Variants in FES observed in about 807,000 individuals in gnomAD.
FES encodes FES proto-oncogene, tyrosine kinase, also known as tyrosine-protein kinase Fes/Fps.
FES carries 83 observed loss-of-function variants against 109.6 expected under a neutral mutation model. That is an observed-to-expected ratio of 0.76 (90% CI 0.63 to 0.91). FES has a LOEUF of 0.91. FES is among the 40% of genes least tolerant of loss of function. FES has a pLI of 0.00. For missense variants in FES, 943 were observed against 1,070.9 expected, an observed-to-expected ratio of 0.88 and a Z score of 1.67; for synonymous variants, 458 against 442.1, an observed-to-expected ratio of 1.04 and a Z score of -0.45.
At chr15:90,891,897 A>T (rs2033251614) in intron 12 of FES, among the ~76,000 whole-genome samples, 161 bp from the exon 13 acceptor site, 1 of 152,210 alleles carries the variant, frequency 6.6e-6, no homozygotes, top group African/African-American at 2.4e-5. Flanking sequence ...TTACCTGGTC[A>T]GGGCACCTGC....
Position 90,887,107 on chromosome 15 carries a change from C to T in FES, c.484+50C>T, listed in dbSNP as rs1026296212. 9 of 1,613,352 alleles carry T rather than the reference C, an allele frequency of 5.6e-6. No homozygotes were observed. The African/African-American group carries it at 1.2e-4, about 22-fold the overall frequency. On this transcript the variant is annotated intron_variant, in intron 4 of 18. Coordinates refer to ENST00000328850, the MANE Select transcript of FES (RefSeq NM_002005.4). ...GGAGGGAATCCGAAGCCAGTGCTGA[C>T]CTGTCCTTGGGTACCCAGAGAGTGG... is the stretch of plus-strand genomic sequence containing the variant.
At position 90,895,610 on chromosome 15, in the gene FES, C is replaced by T. The variant is rs745636407; in HGVS notation, c.*52C>T. 1 of 1,461,798 alleles carries T rather than the reference C, an allele frequency of 6.8e-7. No individual in the cohort carries two copies. Among genetic ancestry groups the T allele is most frequent in the South Asian group, 1.4e-5 (1 of 71,442 alleles). The allele number at this position is 1,461,798 out of a possible 1,614,324, so 90.6% of individuals were successfully genotyped here. A position where few individuals can be genotyped will look rare whatever the true frequency, so the allele number is the denominator to read the frequency against. On this transcript the variant is annotated 3_prime_UTR_variant, in exon 19 of 19. Transcript: ENST00000328850. ...GGCCTCTGCAGGCCTAGGTGCAGCT[C>T]CTCAGCGGCTCCAGCTCATATGCTG...
At chr15:90,885,830 G>T (rs537122450) in intron 3 of FES, among the ~76,000 whole-genome samples, 1 of 152,162 alleles carries the variant, frequency 6.6e-6, no homozygotes, top group Non-Finnish European at 1.5e-5. Context: ...ATGAGTGACC[G>T]GTCACGTGCC....
intron 13 of FES, 184 bp downstream of exon 13, chr15:90,892,295 T>TC: frequency 1.5e-6 from 1 of 658,616 alleles, no homozygotes; most frequent in Non-Finnish European, 2.6e-6. Context: ...CCCTGAAAAC[T>TC]CCCAGCAGAC....
chr15:90,894,533 C>T (rs966887815), intron 18 of FES, among the ~76,000 whole-genome samples: 13 of 151,290 alleles, frequency 8.6e-5, no homozygotes, highest in South Asian at 2.1e-4. Flanking sequence ...TGCAGTGAGC[C>T]GAGATTGTGC....
rs912512159 is a variant in FES at position 90,889,552 on chromosome 15, A to G, written c.842A>G (p.Asp281Gly). ...GACGTCCCACCCTGTGTCACGTTCG[A>G]TGAGTCACTGCTTGAGGAGGGTGAA... Reference protein sequence around the residue: ...APDVPPCVTFDESLLEEGEPL... With the variant: ...APDVPPCVTFGESLLEEGEPL... The change falls in exon 7 of 19, where the codon GAT becomes GGT. Residue 281 changes from aspartate to glycine, a missense_variant. Asp to Gly is a moderately conservative substitution (Grantham distance 94). Transcript: ENST00000328850. This position sits in a 1 kb window ranked among gnomAD's most constrained non-coding sequence, Gnocchi z 6.1. 4 of 1,613,646 alleles carry G rather than the reference A, an allele frequency of 2.5e-6. No individual in the cohort carries two copies. The highest frequency in any genetic ancestry group is 1.7e-5 in the Admixed American group (1 of 59,994).
intron 1 of FES, 55 bp from the exon 2 acceptor site, chr15:90,884,982 C>A: frequency 7.0e-7 from 1 of 1,435,458 alleles, no homozygotes; most frequent in Non-Finnish European, 9.5e-7. Context: ...TCGTCCCATG[C>A]CTCCGTCTCC....
rs1223635061 is a variant in FES, at chr15:90,893,634, C to T, written c.2046-20C>T. 1 of 1,557,462 alleles carries T rather than the reference C, an allele frequency of 6.4e-7. No individual in the cohort carries two copies. The highest frequency in any genetic ancestry group is 1.9e-5 in the Admixed American group (1 of 52,120). On this transcript the variant is annotated intron_variant, in intron 16 of 18. Transcript: ENST00000328850. ...GCAGGCGACTGTTGGCCAAATGAGC[C>T]CCTGCCCTGTCTCACCCAGGGACCT...
chr15:90,885,370 C>A, intron 2 of FES, 42 bp from the exon 3 acceptor site: 1 of 1,597,012 alleles, frequency 6.3e-7, no homozygotes, highest in South Asian at 1.1e-5. Flanking sequence ...GCTTGGGAGC[C>A]ATTGTGCCCC....
chr15:90,891,792 G>T, intron 12 of FES, 116 bp downstream of exon 12: 1 of 1,439,634 alleles, frequency 6.9e-7, no homozygotes, highest in South Asian at 1.3e-5. Context: ...CTACATACAA[G>T]ATGCAGAGTG....
intron 12 of FES, 58 bp from the exon 13 acceptor site, chr15:90,892,000 A>G (rs2033263673): frequency 1.2e-6 from 2 of 1,605,282 alleles, no homozygotes; most frequent in African/African-American, 2.7e-5. Flanking sequence ...CAGCCCTTCT[A>G]AGGGCCCAGC....
chr15:90,893,477 C>T, intron 16 of FES, 63 bp downstream of exon 16: 2 of 1,506,354 alleles, frequency 1.3e-6, no homozygotes, highest in South Asian at 1.3e-5. Flanking sequence ...GGTACCTATA[C>T]CCCTAGGGCC....
chr15:90,890,063 T>C (rs1596104369), intron 8 of FES, 29 bp from the exon 9 acceptor site: 1 of 1,552,966 alleles, frequency 6.4e-7, no homozygotes, highest in South Asian at 1.2e-5. Context: ...CTTATTCTCA[T>C]CCACCCTCCC....
chr15:90,892,428 CT>C, intron 13 of FES: 1 of 579,252 alleles, frequency 1.7e-6, no homozygotes, highest in Non-Finnish European at 3.1e-6. Context: ...GAAGAAGTCA[CT>C]GTCCTAAAAA....
intron 13 of FES, chr15:90,892,405 A>G (rs2033308220): frequency 5.1e-6 from 3 of 584,150 alleles, no homozygotes; most frequent in Non-Finnish European, 9.2e-6. Context: ...AAGCCATAAG[A>G]TACCTGTTTA....
At position 90,893,538 on chromosome 15, in the gene FES, G is replaced by A. The variant is rs1036463797; in HGVS notation, c.2046-116G>A. 16 of 1,490,982 alleles carry A rather than the reference G, an allele frequency of 1.1e-5. No individual in the cohort carries two copies. In the African/African-American group the frequency reaches 2.2e-4, roughly 21 times the overall value. The allele number at this position is 1,490,982 out of a possible 1,614,324, so 92.4% of individuals were successfully genotyped here. On this transcript the variant is annotated intron_variant, in intron 16 of 18. Transcript: ENST00000328850. ...TCCAGAGGGGGAGTTGGCCTCTGTG[G>A]TAGACAGGGGTGCCCAGGGCCGGGA...
chr15:90,890,174 C>T lies in FES; in HGVS notation c.1132C>T (p.Gln378Ter). The T allele has an allele frequency of 6.2e-7, 1 of 1,600,764 alleles. No homozygotes were observed. The highest frequency in any genetic ancestry group is 8.5e-7 in the Non-Finnish European group (1 of 1,178,508). ...AGCGCTGTGCAGCCAGGCCAAGCTG[C>T]AGGCCCAGCAGGAGTTGCTGCAGAC... ...QVALCSQAKL[Q>*]AQQELLQTKL... The change falls in exon 9 of 19, where the codon CAG becomes TAG. Residue 378 changes from glutamine to a stop codon, truncating the protein, a stop_gained. Coordinates refer to ENST00000328850, the MANE Select transcript of FES (RefSeq NM_002005.4). LOFTEE classifies it high-confidence loss of function.
Position 90,885,471 on chromosome 15 carries a change from A to T in FES, c.273A>T (p.Ala91=). The T allele has an allele frequency of 1.2e-6, 2 of 1,613,372 alleles. No homozygotes were observed. Among genetic ancestry groups the T allele is most frequent in the Non-Finnish European group, 1.7e-6 (2 of 1,180,010 alleles). ...EGLSRLLRQH[A]EDLNSGPLSK... is the part of the protein sequence containing the mutation. ...TGAGCCGCTTGCTGCGGCAGCACGC[A>T]GAGGATCTGAACTCAGGGCCCCTGA... Residue 91 remains alanine, a synonymous_variant, in exon 3 of 19, where the codon GCA becomes GCT. Transcript: ENST00000328850.
chr15:90,888,069 A>T (rs115861422), intron 5 of FES, among the ~76,000 whole-genome samples: 1,732 of 152,302 alleles, frequency 0.011, 38 homozygotes, highest in African/African-American at 0.039. Context: ...TGGGTGAACA[A>T]GAATGGCATG....
Sources: allele counts gnomAD v4.1 joint callset (sites outside exome capture counted in the v4.1 genomes callset), GRCh38; gene constraint gnomAD v4.1.1; non-coding constraint Gnocchi (gnomAD v3.1); transcripts MANE v1.5; gene names NCBI Gene and HGNC (gene_info 2026-07-23, HGNC 2026-07-21).